Variants in WASHC2C observed in about 807,000 individuals in gnomAD.
The protein encoded by WASHC2C is WASH complex subunit 2C, also known as Vaccinia Penetration Factor.
Under a neutral mutation model 142.2 loss-of-function variants are expected in WASHC2C, and 73 were observed. The observed-to-expected ratio is 0.51, with a 90% CI of 0.43 to 0.62. The LOEUF is 0.62. Ranked by LOEUF, WASHC2C falls within the 20% of genes least tolerant of loss-of-function variation. The pLI is 0.00. For synonymous variants in WASHC2C, 337 were observed against 565.5 expected (o/e 0.60, Z 5.73); for missense variants, 969 against 1,531.7 (o/e 0.63, Z 6.13).
In WASHC2C at chr10:45,754,885, A is replaced by G. The variant is rs546173188; in HGVS notation, c.1241-51A>G. On this transcript the variant is annotated intron_variant, in intron 14 of 30. Transcript: ENST00000623400. The stretch of plus-strand genomic sequence containing the variant: ...GTGATAATTTTTTTCTGTAAATTCA[A>G]CCGGCCCACACTGGCTCACAGCTGT... 70 of 1,606,338 alleles carry G rather than the reference A, an allele frequency of 4.4e-5. No individual in the cohort carries two copies. The East Asian group carries it at 4.5e-4, about 10-fold the overall frequency.
At position 45,759,421 on chromosome 10, in the gene WASHC2C, A is replaced by C; in HGVS notation, c.1635+20A>C. The C allele has an allele frequency of 7.0e-7, 1 of 1,438,126 alleles. No individual in the cohort carries two copies. Among genetic ancestry groups the C allele is most frequent in the Non-Finnish European group, 9.5e-7 (1 of 1,056,944 alleles). 89.1% of individuals were successfully genotyped at this position (1,438,126 alleles called of 1,614,324 possible). A position where few individuals can be genotyped will look rare whatever the true frequency, so the allele number is the denominator to read the frequency against. On this transcript the variant is annotated intron_variant, in intron 17 of 30. Coordinates refer to ENST00000623400, the MANE Select transcript of WASHC2C (RefSeq NM_001330074.2). ...TCTGAGGTATGGAATTCTTTTGCTT[A>C]GTTGTGGGTATTAGTCTATGGATAT...
At chr10:45,754,180 G>C (rs2053955954) in intron 13 of WASHC2C, among the ~76,000 whole-genome samples, 1 of 152,146 alleles carries the variant, frequency 6.6e-6, no homozygotes, top group South Asian at 2.1e-4. Flanking sequence ...CGGTCATGCT[G>C]TCCCTGCCTC....
intron 10 of WASHC2C, among the ~76,000 whole-genome samples, chr10:45,751,210 G>A (rs2053546832): frequency 6.6e-6 from 1 of 151,506 alleles, no homozygotes; most frequent in Admixed American, 6.6e-5. Flanking sequence ...TTATAACAGG[G>A]TAGAAAGATA....
At chr10:45,773,968 C>T (rs2056865768) in intron 21 of WASHC2C, among the ~76,000 whole-genome samples, 1 of 129,558 alleles carries the variant, frequency 7.7e-6, no homozygotes, top group South Asian at 2.5e-4. Context: ...AAGAAATACA[C>T]ATGAATGCCT....
In WASHC2C at chr10:45,743,411, T is replaced by G. The variant is rs1554869366; in HGVS notation, c.550T>G (p.Leu184Val). 3.1e-6 allele frequency: 5 copies of G among 1,611,792 alleles called. No individual in the cohort carries two copies. The African/African-American group carries it at 6.7e-5, about 22-fold the overall frequency. ...ACAGGATCTATACATTGATCGTCCT[T>G]TACCATATCTCATTGGGTCAAAGCT... ...EPKDLYIDRPLPYLIGSKLFM... is the reference protein window; with the variant it reads ...EPKDLYIDRPVPYLIGSKLFM... Residue 184 changes from leucine to valine, a missense_variant, in exon 6 of 31, where the codon TTA becomes GTA. Coordinates refer to ENST00000623400, the MANE Select transcript of WASHC2C (RefSeq NM_001330074.2).
At chr10:45,751,285 C>A (rs1485146538) in intron 10 of WASHC2C, among the ~76,000 whole-genome samples, 197 bp from the exon 11 acceptor site, 1 of 150,470 alleles carries the variant, frequency 6.6e-6, no homozygotes. Flanking sequence ...AAAGCAGAAG[C>A]CTTCTGCCTT....
intron 8 of WASHC2C, among the ~76,000 whole-genome samples, chr10:45,749,825 C>CAAAAAAAAA (rs1168283573): frequency 6.9e-4 from 53 of 77,170 alleles, no homozygotes; most frequent in East Asian, 2.0e-3. Flanking sequence ...GACTCCATCT[C>CAAAAAAAAA]AAAAAAAAAA....
intron 10 of WASHC2C, 99 bp downstream of exon 10, chr10:45,750,937 T>G (rs879992702): frequency 8.5e-5 from 70 of 822,830 alleles, no homozygotes; most frequent in Middle Eastern, 3.6e-4. Context: ...TAGTAATTAC[T>G]ACATATATTT....
intron 3 of WASHC2C, among the ~76,000 whole-genome samples, chr10:45,734,479 G>T (rs1256311800): frequency 6.6e-6 from 1 of 151,078 alleles, no homozygotes; most frequent in African/African-American, 2.4e-5. Context: ...TTCTTAAACC[G>T]TATCATAATT....
intron 30 of WASHC2C, among the ~76,000 whole-genome samples, chr10:45,791,248 C>G (rs2058377535): frequency 6.6e-6 from 1 of 152,192 alleles, no homozygotes; most frequent in African/African-American, 2.4e-5. Flanking sequence ...GCCGTATGCT[C>G]TGTCTCCCCT....
At chr10:45,731,818 G>A (rs1161585938) in intron 3 of WASHC2C, among the ~76,000 whole-genome samples, 2 of 116,922 alleles carry the variant, frequency 1.7e-5, no homozygotes, top group African/African-American at 3.4e-5. Flanking sequence ...TTTTTGAGAC[G>A]GAGTCTCACT....
At position 45,785,810 on chromosome 10, in the gene WASHC2C, C is replaced by T. The variant is rs535040626; in HGVS notation, c.2811+179C>T. On this transcript the variant is annotated intron_variant, in intron 26 of 30. Coordinates refer to ENST00000623400, the MANE Select transcript of WASHC2C (RefSeq NM_001330074.2). ...TCATCTCCCCTCTCCTCACTCCACA[C>T]GCCAGAGTTTCATGAATCTATACTT... 1.0e-3 allele frequency: 1,191 copies of T among 1,136,724 alleles called. 2 individuals are homozygous for T. Among genetic ancestry groups the T allele is most frequent in the Non-Finnish European group, 1.2e-3 (994 of 798,854 alleles). 70.4% of individuals were successfully genotyped at this position (1,136,724 alleles called of 1,614,324 possible).
intron 7 of WASHC2C, among the ~76,000 whole-genome samples, chr10:45,745,886 C>T (rs2052757188): frequency 6.9e-6 from 1 of 144,372 alleles, no homozygotes; most frequent in African/African-American, 2.6e-5. Flanking sequence ...CGTCATCTAG[C>T]ATTAGGTATA....
At chr10:45,748,283 CTTT>C (rs1160119861) in intron 8 of WASHC2C, among the ~76,000 whole-genome samples, 1 of 57,168 alleles carries the variant, frequency 1.7e-5, no homozygotes, top group Non-Finnish European at 3.0e-5. Flanking sequence ...TTTTTCTTTC[CTTT>C]TTTTTTTTTT....
chr10:45,787,357 A>G, intron 28 of WASHC2C, 110 bp downstream of exon 28: 1 of 1,467,370 alleles, frequency 6.8e-7, no homozygotes, highest in Admixed American at 2.0e-5. Flanking sequence ...CTCCTTTTGA[A>G]GGAGGTGCCT....
In WASHC2C at chr10:45,752,137, C is replaced by T. The variant is rs551340947; in HGVS notation, c.1004-451C>T. Among the ~76,000 whole-genome samples the T allele has an allele frequency of 6.6e-4, 100 of 152,300 alleles. No individual in the cohort carries two copies. The South Asian group carries it at 8.9e-3, about 14-fold the overall frequency. On this transcript the variant is annotated intron_variant, in intron 11 of 30. Transcript: ENST00000623400. ...AGTATAGAAACTTAGGAATCTCAAGCATTTGTTTTCAATAAAGGATACACC... is the reference window on the plus strand; with the variant it reads ...AGTATAGAAACTTAGGAATCTCAAGTATTTGTTTTCAATAAAGGATACACC...
At chr10:45,732,018 G>A (rs1200216448) in intron 3 of WASHC2C, among the ~76,000 whole-genome samples, 4 of 151,846 alleles carry the variant, frequency 2.6e-5, no homozygotes, top group African/African-American at 4.8e-5. Flanking sequence ...GGATGGTCTC[G>A]ATCTCCTGAC....
intron 6 of WASHC2C, among the ~76,000 whole-genome samples, chr10:45,744,555 CTTTGCTTTTT>C: frequency 6.6e-6 from 1 of 151,980 alleles, no homozygotes; most frequent in East Asian, 1.9e-4. Context: ...CTCAGCCTTT[CTTTGCTTTTT>C]ATGACCCTGA....
chr10:45,770,240 C>CA (rs552574113), intron 20 of WASHC2C, among the ~76,000 whole-genome samples: 32,606 of 82,066 alleles, frequency 0.4, 6,153 homozygotes, highest in East Asian at 0.58. Context: ...GACTCCATCT[C>CA]AAAAAAAAAA....
Sources: gnomAD v4.1 joint callset for allele counts (sites outside exome capture counted in the v4.1 genomes callset) on GRCh38, gnomAD v4.1.1 for gene constraint, MANE v1.5 for transcripts, NCBI Gene and HGNC (gene_info 2026-07-23, HGNC 2026-07-21) for gene names.